Variants in DBI observed in about 807,000 individuals in gnomAD.
The protein encoded by DBI is diazepam binding inhibitor, acyl-CoA binding protein, also known as acyl-CoA-binding protein.
A neutral mutation model predicts 13.0 loss-of-function variants in DBI; 12 were observed. The ratio of observed to expected loss-of-function variants is 0.92; its 90% CI spans 0.59 to 1.49. DBI has a LOEUF of 1.49. DBI is among the 40% of genes most tolerant of loss of function. DBI has a pLI of 0.00. For synonymous variants in DBI, 37 were observed against 37.4 expected (o/e 0.99, Z 0.04); for missense variants, 95 against 104.8 (o/e 0.91, Z 0.41).
chr2:119,372,384 A>G lies in DBI; in HGVS notation c.*66A>G, dbSNP rs1435540242. ...CTGAGACAATGCCTTGTTTTTTTCT[A>G]ATACCGTGGATGGTGGGAATTCGGG... On this transcript the variant is annotated 3_prime_UTR_variant, in exon 4 of 4. Coordinates refer to ENST00000355857, the MANE Select transcript of DBI (RefSeq NM_001079862.4). 8.0e-7 allele frequency: 1 copy of G among 1,257,692 alleles called. No homozygotes were observed. Among genetic ancestry groups the G allele is most frequent in the Admixed American group, 1.7e-5 (1 of 58,998 alleles). 77.9% of individuals were successfully genotyped at this position (1,257,692 alleles called of 1,614,324 possible).
In DBI at chr2:119,366,993, T is replaced by C; in HGVS notation, c.-59T>C. The C allele has an allele frequency of 6.2e-7, 1 of 1,610,830 alleles. No homozygotes were observed. Among genetic ancestry groups the C allele is most frequent in the African/African-American group, 1.3e-5 (1 of 74,994 alleles). ...GCGCTTGCCAGTGCAATCTGGGCGA[T>C]CGCTTCCTGGTCCTCGCCTCCTCCG... On this transcript the variant is annotated 5_prime_UTR_variant, in exon 1 of 4. Coordinates refer to ENST00000355857, the MANE Select transcript of DBI (RefSeq NM_001079862.4).
rs865931518 is a variant in DBI, at chr2:119,370,909, G to T, written c.190+107G>T. The T allele has an allele frequency of 3.0e-6, 3 of 1,013,810 alleles. No individual in the cohort carries two copies. The Middle Eastern group carries it at 6.2e-4, about 210-fold the overall frequency. 62.8% of individuals were successfully genotyped at this position (1,013,810 alleles called of 1,614,324 possible). On this transcript the variant is annotated intron_variant, in intron 3 of 3. Transcript: ENST00000355857. ...AGAAAACAAAGTCAATGGGGCACGT[G>T]TGGGAAACCAGCCTGACCTGTGCCA...
chr2:119,367,593 C>T, intron 1 of DBI: 13 of 1,614,086 alleles, frequency 8.1e-6, no homozygotes, highest in Non-Finnish European at 1.1e-5. Flanking sequence ...CTATGTGGGG[C>T]GACCTCTGGC....
At chr2:119,368,032 G>A (rs1681193695) in intron 1 of DBI, 156 bp from the exon 2 acceptor site, 2 of 1,562,744 alleles carry the variant, frequency 1.3e-6, no homozygotes, top group Non-Finnish European at 1.8e-6. Flanking sequence ...TTGGGGCAGG[G>A]AGGGGCAGAC....
At chr2:119,368,339 C>A (rs765902535) in intron 2 of DBI, 34 bp downstream of exon 2, 1 of 1,514,504 alleles carries the variant, frequency 6.6e-7, no homozygotes, top group Non-Finnish European at 9.2e-7. Context: ...GGCATCTGCT[C>A]ATCAAAGCAG....
At chr2:119,367,667 C>G (rs1443052615) in intron 1 of DBI, 3 of 1,613,514 alleles carry the variant, frequency 1.9e-6, no homozygotes, top group South Asian at 2.2e-5. Context: ...CGCGCGGGCC[C>G]CAGGGGGAGG....
chr2:119,370,628 A>T (rs1019414884), intron 2 of DBI, 112 bp from the exon 3 acceptor site: 1 of 962,284 alleles, frequency 1.0e-6, no homozygotes, highest in Non-Finnish European at 1.6e-6. Flanking sequence ...ACCCCATGAC[A>T]GAGCCTAGAA....
chr2:119,371,924 C>T (rs1258311452), intron 3 of DBI, among the ~76,000 whole-genome samples: 1 of 152,222 alleles, frequency 6.6e-6, no homozygotes, highest in Non-Finnish European at 1.5e-5. Context: ...ATGACAGTTT[C>T]CTACCTGTCT....
Position 119,372,233 on chromosome 2 carries a change from G to C in DBI, c.191-12G>C, listed in dbSNP as rs372038078. 2 of 1,608,778 alleles carry C rather than the reference G, an allele frequency of 1.2e-6. No homozygotes were observed. The highest frequency in any genetic ancestry group is 1.7e-6 in the Non-Finnish European group (2 of 1,175,438). On this transcript the variant is annotated splice_polypyrimidine_tract_variant and intron_variant, in intron 3 of 3. Coordinates refer to ENST00000355857, the MANE Select transcript of DBI (RefSeq NM_001079862.4). ...TACCTCCCTGACACATAATCCTGTC[G>C]ATTCCTTACAGGGACTTCCAAGGAA...
intron 2 of DBI, among the ~76,000 whole-genome samples, chr2:119,369,472 A>G (rs1473892554): frequency 6.6e-6 from 1 of 152,242 alleles, no homozygotes; most frequent in Non-Finnish European, 1.5e-5. Context: ...TATAATAGCC[A>G]GTAGCCACAT....
chr2:119,369,112 G>A lies in DBI; in HGVS notation c.127+807G>A, dbSNP rs564771194. 5.4e-4 allele frequency among the ~76,000 whole-genome samples: 82 copies of A among 152,294 alleles called. 1 individual carries two copies. The highest frequency in any genetic ancestry group is 6.8e-3 in the Middle Eastern group (2 of 294). On this transcript the variant is annotated intron_variant, in intron 2 of 3. Coordinates refer to ENST00000355857, the MANE Select transcript of DBI (RefSeq NM_001079862.4). ...TAGTACCCAGAATGACAGATCACAGGCAGTACCATATCAAACCCTGGGGTT... is the reference window on the plus strand; with the variant it reads ...TAGTACCCAGAATGACAGATCACAGACAGTACCATATCAAACCCTGGGGTT...
chr2:119,369,320 G>A (rs1377306239), intron 2 of DBI, among the ~76,000 whole-genome samples: 5 of 152,170 alleles, frequency 3.3e-5, no homozygotes, highest in East Asian at 3.9e-4. Context: ...TAGAGTTACC[G>A]ATTTTCACAT....
At chr2:119,367,376 C>T (rs1681091847) in intron 1 of DBI, 1 of 1,455,158 alleles carries the variant, frequency 6.9e-7, no homozygotes, top group Non-Finnish European at 9.1e-7. Context: ...ATTGGAGGAG[C>T]GAGGAGACTC....
chr2:119,370,086 G>A (rs912347513), intron 2 of DBI: 6 of 152,180 alleles, frequency 3.9e-5, no homozygotes, highest in African/African-American at 1.2e-4. Flanking sequence ...TCCAGGCTAC[G>A]GACTCTGATT....
At chr2:119,368,539 ACT>A in intron 2 of DBI, 2 of 487,214 alleles carry the variant, frequency 4.1e-6, no homozygotes, top group Non-Finnish European at 7.5e-6. Flanking sequence ...ACCAGCAGCT[ACT>A]CTCTACTAGG....
chr2:119,368,016 G>A (rs1681190696), intron 1 of DBI, 172 bp from the exon 2 acceptor site: 3 of 1,597,342 alleles, frequency 1.9e-6, no homozygotes, highest in African/African-American at 1.3e-5. Context: ...CTTTCTAGCT[G>A]CCCTGTTGGG....
chr2:119,367,283 C>T (rs887299200), intron 1 of DBI: 2 of 1,437,000 alleles, frequency 1.4e-6, no homozygotes, highest in African/African-American at 2.9e-5. Context: ...GAAAGTTGCC[C>T]ATGGGGTGGA....
At chr2:119,371,328 C>A (rs1330943619) in intron 3 of DBI, among the ~76,000 whole-genome samples, 1 of 152,224 alleles carries the variant, frequency 6.6e-6, no homozygotes, top group East Asian at 1.9e-4. Context: ...TACTTAATCA[C>A]GTGCCACCTG....
chr2:119,372,312 G>T lies in DBI; in HGVS notation c.258G>T (p.Gly86=). The T allele has an allele frequency of 2.5e-6, 4 of 1,611,208 alleles. No individual in the cohort carries two copies. The highest frequency in any genetic ancestry group is 3.4e-6 in the Non-Finnish European group (4 of 1,177,496). ...TAGAAGAGCTAAAGAAAAAATACGG[G>T]ATATGAGAGACTGGATTTGGTTACT... is the stretch of plus-strand genomic sequence containing the variant. The part of the protein sequence containing the change: ...NKVEELKKKY[G]I The change falls in exon 4 of 4, where the codon GGG becomes GGT. Residue 86 remains glycine, a synonymous_variant. Coordinates refer to ENST00000355857, the MANE Select transcript of DBI (RefSeq NM_001079862.4).
Sources: allele counts gnomAD v4.1 joint callset (sites outside exome capture counted in the v4.1 genomes callset), GRCh38; gene constraint gnomAD v4.1.1; transcripts MANE v1.5; gene names NCBI Gene and HGNC (gene_info 2026-07-23, HGNC 2026-07-21).